The following LRRC4C variants were observed in gnomAD, a reference collection of about 807,000 sequenced individuals.
LRRC4C encodes the protein leucine rich repeat containing 4C.
Under a neutral mutation model 33.6 loss-of-function variants are expected in LRRC4C, and 5 were observed. The ratio of observed to expected loss-of-function variants is 0.15; its 90% CI spans 0.08 to 0.31. The LOEUF (loss-of-function observed/expected upper bound fraction) is 0.31, where lower values mean the gene tolerates loss of function less well. Ranked by LOEUF, LRRC4C falls within the 10% of genes least tolerant of loss-of-function variation. The pLI is 1.00. For synonymous variants in LRRC4C, 329 were observed against 302.0 expected (o/e 1.09, Z -0.93); for missense variants, 560 against 796.7 (o/e 0.70, Z 3.58).
At chr11:40,499,763 C>T (rs773975875) in intron 3 of LRRC4C, among the ~76,000 whole-genome samples, 5 of 152,050 alleles carry the variant, frequency 3.3e-5, no homozygotes, top group South Asian at 2.1e-4. Flanking sequence ...GCCAAAGAAA[C>T]GTGAAAGGGG....
At chr11:40,982,352 G>A (rs897827804) in intron 1 of LRRC4C, among the ~76,000 whole-genome samples, 1 of 152,124 alleles carries the variant, frequency 6.6e-6, no homozygotes, top group African/African-American at 2.4e-5. Flanking sequence ...AAAATTGGTG[G>A]CTGATATAAA....
At chr11:40,700,843 A>G (rs1285515850) in intron 2 of LRRC4C, among the ~76,000 whole-genome samples, 1 of 152,170 alleles carries the variant, frequency 6.6e-6, no homozygotes, top group Non-Finnish European at 1.5e-5. Flanking sequence ...AAAGCCACAG[A>G]AAATAAAATA....
intron 2 of LRRC4C, among the ~76,000 whole-genome samples, chr11:40,894,050 A>T (rs764604883): frequency 4.6e-5 from 7 of 152,094 alleles, no homozygotes; most frequent in Non-Finnish European, 1.0e-4. Flanking sequence ...TCATTTGCCA[A>T]TTATAGCTGG....
At chr11:40,798,948 T>C (rs996223246) in intron 2 of LRRC4C, among the ~76,000 whole-genome samples, 1 of 152,162 alleles carries the variant, frequency 6.6e-6, no homozygotes, top group Non-Finnish European at 1.5e-5. Flanking sequence ...TCTGCTGTAT[T>C]ATAAGTTTCT....
intron 1 of LRRC4C, among the ~76,000 whole-genome samples, chr11:41,170,206 T>A (rs1944910474): frequency 6.6e-6 from 1 of 152,106 alleles, no homozygotes; most frequent in Non-Finnish European, 1.5e-5. Flanking sequence ...TTCAATGCCA[T>A]CCCCATCAAG....
intron 2 of LRRC4C, among the ~76,000 whole-genome samples, chr11:40,679,471 CAT>C: frequency 6.6e-6 from 1 of 152,254 alleles, no homozygotes; most frequent in South Asian, 2.1e-4. Flanking sequence ...AGCCCCTCCC[CAT>C]CACAGGCCTG....
At chr11:40,754,571 T>A (rs574100957) in intron 2 of LRRC4C, among the ~76,000 whole-genome samples, 1 of 152,156 alleles carries the variant, frequency 6.6e-6, no homozygotes, top group Non-Finnish European at 1.5e-5. Flanking sequence ...AAGCCTACAC[T>A]CTGGAAGAGG....
intron 3 of LRRC4C, among the ~76,000 whole-genome samples, chr11:40,597,421 G>A (rs1399402779): frequency 6.6e-6 from 1 of 151,850 alleles, no homozygotes; most frequent in East Asian, 1.9e-4. Flanking sequence ...CCATATCCTG[G>A]GAATATTGTC....
intron 6 of LRRC4C, among the ~76,000 whole-genome samples, chr11:40,135,018 T>C (rs1444169356): frequency 6.6e-6 from 1 of 152,218 alleles, no homozygotes; most frequent in Non-Finnish European, 1.5e-5. Flanking sequence ...CTTTCTGTGA[T>C]TTCCAGGCAA....
At chr11:41,282,610 T>G in intron 1 of LRRC4C, among the ~76,000 whole-genome samples, 1 of 152,174 alleles carries the variant, frequency 6.6e-6, no homozygotes, top group East Asian at 1.9e-4. Flanking sequence ...TTGGGATGTC[T>G]GCCCGGGGTG....
At chr11:40,380,011 CTCTCAGACG>C (rs1439595998) in intron 3 of LRRC4C, among the ~76,000 whole-genome samples, 1 of 152,138 alleles carries the variant, frequency 6.6e-6, no homozygotes, top group Non-Finnish European at 1.5e-5. Flanking sequence ...AATAAATGGC[CTCTCAGACG>C]TCTCACAGAG....
intron 2 of LRRC4C, among the ~76,000 whole-genome samples, chr11:40,882,817 G>A (rs1226216998): frequency 6.6e-6 from 1 of 152,026 alleles, no homozygotes; most frequent in African/African-American, 2.4e-5. Context: ...GTGAGAGTCA[G>A]GGCTACTGCT....
chr11:41,159,843 C>T (rs1944389340), intron 1 of LRRC4C, among the ~76,000 whole-genome samples: 1 of 152,014 alleles, frequency 6.6e-6, no homozygotes, highest in Non-Finnish European at 1.5e-5. Flanking sequence ...TTAATCAAAA[C>T]ATGGAATGAG....
intron 5 of LRRC4C, among the ~76,000 whole-genome samples, chr11:40,224,239 T>C (rs1174691158): frequency 2.0e-5 from 3 of 152,240 alleles, no homozygotes; most frequent in African/African-American, 7.2e-5. Context: ...AAAATCCTTA[T>C]TATATAATGT....
intron 4 of LRRC4C, among the ~76,000 whole-genome samples, chr11:40,287,757 G>T (rs2136526144): frequency 6.6e-6 from 1 of 152,276 alleles, no homozygotes; most frequent in African/African-American, 2.4e-5. Context: ...ATATGACACA[G>T]AATATATTTT....
At chr11:41,153,227 C>T (rs566146514) in intron 1 of LRRC4C, among the ~76,000 whole-genome samples, 4 of 152,126 alleles carry the variant, frequency 2.6e-5, no homozygotes, top group African/African-American at 9.6e-5. Flanking sequence ...TAAATTACAC[C>T]AAACTTTGTG....
intron 3 of LRRC4C, among the ~76,000 whole-genome samples, chr11:40,555,265 C>T (rs1957289571): frequency 6.6e-6 from 1 of 152,084 alleles, no homozygotes; most frequent in African/African-American, 2.4e-5. Flanking sequence ...GTCCAGGCTG[C>T]CAGTGAATTA....
intron 5 of LRRC4C, among the ~76,000 whole-genome samples, chr11:40,151,134 C>T (rs1340761910): frequency 6.6e-6 from 1 of 152,126 alleles, no homozygotes; most frequent in East Asian, 1.9e-4. Context: ...GTTTTTGTGG[C>T]ATTCTGTGCC....
intron 1 of LRRC4C, among the ~76,000 whole-genome samples, chr11:41,088,513 A>C (rs1940171005): frequency 6.6e-6 from 1 of 152,108 alleles, no homozygotes; most frequent in Non-Finnish European, 1.5e-5. Context: ...TGTCCTTAAA[A>C]ATAGTCACCA....
Sources: gnomAD v4.1 joint callset for allele counts (sites outside exome capture counted in the v4.1 genomes callset) on GRCh38, gnomAD v4.1.1 for gene constraint, MANE v1.5 for transcripts, NCBI Gene and HGNC (gene_info 2026-07-23, HGNC 2026-07-21) for gene names.